The following UTP20 variants were observed in gnomAD, a reference collection of about 807,000 sequenced individuals.
The protein encoded by UTP20 is small subunit processome component 20 homolog.
In UTP20, 164 loss-of-function variants were observed where a neutral mutation model predicts 329.5. That is an observed-to-expected ratio of 0.50 (90% confidence interval 0.44 to 0.57). The LOEUF (loss-of-function observed/expected upper bound fraction) is 0.57. UTP20 is among the 20% of genes least tolerant of loss of function. The pLI is 0.00. For missense variants in UTP20, 3,055 were observed against 3,284.2 expected, an observed-to-expected ratio of 0.93 and a Z score of 1.71; for synonymous variants, 1,151 against 1,159.3, an observed-to-expected ratio of 0.99 and a Z score of 0.14.
In UTP20 at chr12:101,342,924, A is replaced by G; in HGVS notation, c.4297-17A>G. The G allele has an allele frequency of 6.2e-7, 1 of 1,610,386 alleles. No homozygotes were observed. ...TATATGCCTTCTTTTATATAACTTC[A>G]ATGGCATTTCTTATAGCTTAACGCC... On this transcript the variant is annotated splice_polypyrimidine_tract_variant and intron_variant, in intron 34 of 61. Coordinates refer to ENST00000261637, the MANE Select transcript of UTP20 (RefSeq NM_014503.3).
chr12:101,316,669 G>A (rs1161467016), intron 21 of UTP20, among the ~76,000 whole-genome samples: 2 of 152,290 alleles, frequency 1.3e-5, no homozygotes, highest in African/African-American at 4.8e-5. Flanking sequence ...TTTGAGTGAG[G>A]ACTTGAAAGG....
At chr12:101,368,389 TC>T (rs1473643089) in intron 48 of UTP20, among the ~76,000 whole-genome samples, 1 of 152,090 alleles carries the variant, frequency 6.6e-6, no homozygotes, top group Non-Finnish European at 1.5e-5. Flanking sequence ...CTCCTTGGCC[TC>T]CTAAAATGCT....
In UTP20 at chr12:101,369,750, C is replaced by T; in HGVS notation, c.6414C>T (p.Ile2138=). ...KVITGALQCL[I]WVLRFPLPSI... ...TCACAGGTGCTTTACAGTGCCTCATCTGGGTCTTGAGGTTCCCGCTACCTT... is the reference window on the plus strand; with the variant it reads ...TCACAGGTGCTTTACAGTGCCTCATTTGGGTCTTGAGGTTCCCGCTACCTT... Residue 2138 remains isoleucine (I), a synonymous_variant, in exon 49 of 62, where the codon ATC becomes ATT. Coordinates refer to ENST00000261637, the MANE Select transcript of UTP20 (RefSeq NM_014503.3). 2 of 1,596,086 alleles carry T rather than the reference C, an allele frequency of 1.3e-6. No individual in the cohort carries two copies. The highest frequency in any genetic ancestry group is 1.7e-6 in the Non-Finnish European group (2 of 1,163,726).
chr12:101,380,040 T>C (rs148854182), intron 57 of UTP20, among the ~76,000 whole-genome samples: 65 of 152,252 alleles, frequency 4.3e-4, no homozygotes, highest in African/African-American at 1.5e-3. Context: ...TCTTGCCTCC[T>C]AATAACCTTG....
chr12:101,293,763 G>A (rs1872249913), intron 11 of UTP20, among the ~76,000 whole-genome samples: 1 of 151,720 alleles, frequency 6.6e-6, no homozygotes, highest in South Asian at 2.1e-4. Flanking sequence ...ATTCTCATTT[G>A]CCTAAAAAGA....
At chr12:101,308,158 T>G in intron 17 of UTP20, 27 bp from the exon 18 acceptor site, 1 of 1,504,420 alleles carries the variant, frequency 6.6e-7, no homozygotes, top group Non-Finnish European at 8.9e-7. Context: ...TGACTGGTCT[T>G]CTCCATGGTT....
At chr12:101,305,768 A>G (rs76999617) in intron 15 of UTP20, 147 bp from the exon 16 acceptor site, 83 of 890,748 alleles carry the variant, frequency 9.3e-5, no homozygotes, top group Non-Finnish European at 1.1e-5. Flanking sequence ...TTCTTCATCT[A>G]TGAAGTGAGC....
At chr12:101,308,734 GT>G (rs34029914) in intron 18 of UTP20, among the ~76,000 whole-genome samples, 75,992 of 144,020 alleles carry the variant, frequency 0.53, 20,681 homozygotes, top group East Asian at 0.93. Context: ...AGCTCTCTAT[GT>G]TTTTTTTTTT....
At chr12:101,336,010 C>A (rs1209831641) in intron 29 of UTP20, among the ~76,000 whole-genome samples, 1 of 152,194 alleles carries the variant, frequency 6.6e-6, no homozygotes, top group Non-Finnish European at 1.5e-5. Context: ...TTTTTATATT[C>A]ATTGGGTCCT....
chr12:101,379,235 C>T (rs1483453078), intron 56 of UTP20, 136 bp from the exon 57 acceptor site: 1 of 688,164 alleles, frequency 1.5e-6, no homozygotes, highest in East Asian at 2.8e-5. Context: ...CCCCACTTCC[C>T]AGCCATTGGC....
Position 101,361,973 on chromosome 12 carries a change from G to C in UTP20, c.5703G>C (p.Leu1901=). Residue 1901 remains leucine (L), a synonymous_variant, in exon 44 of 62, where the codon CTG becomes CTC. Coordinates refer to ENST00000261637, the MANE Select transcript of UTP20 (RefSeq NM_014503.3). ...GTGTCTCATGTTAGGTCCATGTGCT[G>C]ACTTTCACCGTTCACATGCTGCTGC... The part of the protein sequence containing the change: ...TLVRGYQVHV[L]TFTVHMLLQG... The C allele has an allele frequency of 6.2e-7, 1 of 1,613,540 alleles. No homozygotes were observed. Among genetic ancestry groups the C allele is most frequent in the Non-Finnish European group, 8.5e-7 (1 of 1,179,652 alleles).
chr12:101,322,651 C>A (rs1868402783), intron 25 of UTP20, among the ~76,000 whole-genome samples: 1 of 152,176 alleles, frequency 6.6e-6, no homozygotes, highest in African/African-American at 2.4e-5. Flanking sequence ...TCTTTTAGAT[C>A]CACTGGGCTT....
At chr12:101,319,806 G>A (rs1464040680) in intron 23 of UTP20, among the ~76,000 whole-genome samples, 171 bp downstream of exon 23, 2 of 151,448 alleles carry the variant, frequency 1.3e-5, no homozygotes, top group East Asian at 3.9e-4. Flanking sequence ...GTTATCTTGA[G>A]AAACAGTTTT....
chr12:101,340,605 G>T lies in UTP20; in HGVS notation c.4096G>T (p.Ala1366Ser). The change falls in exon 32 of 62, where the codon GCT becomes TCT. Residue 1366 changes from alanine to serine, a missense_variant. Ala to Ser is a moderately conservative substitution (Grantham distance 99). This residue lies in a region of UTP20 where 2,445 missense variants were observed against 2,575.5 expected (regional missense o/e 0.95). Coordinates refer to ENST00000261637, the MANE Select transcript of UTP20 (RefSeq NM_014503.3). ...LLPFLHRGNI[A>S]EDTEVDILVT... Reference sequence around the variant, plus strand: ...TCCATTCCTCCACCGTGGCAATATTGCTGAGGTACAAACTCATAGGACACT... The same window carrying T: ...TCCATTCCTCCACCGTGGCAATATTTCTGAGGTACAAACTCATAGGACACT... 1 of 1,606,944 alleles carries T rather than the reference G, an allele frequency of 6.2e-7. No individual in the cohort carries two copies. The highest frequency in any genetic ancestry group is 8.5e-7 in the Non-Finnish European group (1 of 1,174,408).
At chr12:101,336,793 A>G (rs1868947146) in intron 29 of UTP20, among the ~76,000 whole-genome samples, 1 of 152,194 alleles carries the variant, frequency 6.6e-6, no homozygotes, top group Non-Finnish European at 1.5e-5. Context: ...TGATCATTGC[A>G]TGTTGTCTGA....
In UTP20 at chr12:101,291,901, C is replaced by G. The variant is rs780428530; in HGVS notation, c.1038+13C>G. The stretch of plus-strand genomic sequence containing the variant: ...TGATGTCTGTAAGGTGAGTTCCCAA[C>G]TTAATATGCTCGAGAGTCTGGTTTT... On this transcript the variant is annotated intron_variant, in intron 9 of 61. Coordinates refer to ENST00000261637, the MANE Select transcript of UTP20 (RefSeq NM_014503.3). 1 of 1,608,658 alleles carries G rather than the reference C, an allele frequency of 6.2e-7. No individual in the cohort carries two copies. Among genetic ancestry groups the G allele is most frequent in the Non-Finnish European group, 8.5e-7 (1 of 1,178,012 alleles).
intron 43 of UTP20, among the ~76,000 whole-genome samples, chr12:101,361,373 C>T (rs1428014242): frequency 6.6e-6 from 1 of 152,072 alleles, no homozygotes; most frequent in East Asian, 1.9e-4. Flanking sequence ...CCTGTAATCG[C>T]AGCACTTAGG....
chr12:101,367,844 G>C lies in UTP20; in HGVS notation c.6268-16G>C. 6.3e-7 allele frequency: 1 copy of C among 1,576,200 alleles called. No individual in the cohort carries two copies. Among genetic ancestry groups the C allele is most frequent in the Non-Finnish European group, 8.7e-7 (1 of 1,146,196 alleles). ...AATGGGCAACTAATGTGAAATACCT[G>C]TTTGAACTCTCTTAGCTGCTGCATC... On this transcript the variant is annotated splice_polypyrimidine_tract_variant and intron_variant, in intron 47 of 61. Transcript: ENST00000261637.
intron 43 of UTP20, among the ~76,000 whole-genome samples, chr12:101,359,416 G>A (rs947130403): frequency 2.0e-5 from 3 of 151,772 alleles, no homozygotes; most frequent in Non-Finnish European, 4.4e-5. Context: ...CTCCTCTCCT[G>A]GGACTCCAGT....
Sources: allele counts gnomAD v4.1 joint callset (sites outside exome capture counted in the v4.1 genomes callset), GRCh38; gene constraint gnomAD v4.1.1; regional missense constraint gnomAD v4.1.1; transcripts MANE v1.5; gene names NCBI Gene and HGNC (gene_info 2026-07-23, HGNC 2026-07-21).